The following MECR variants were observed in gnomAD, a reference collection of about 807,000 sequenced individuals.
MECR encodes enoyl-[acyl-carrier-protein] reductase, mitochondrial.
MECR carries 37 observed loss-of-function variants against 49.1 expected under a neutral mutation model. The observed-to-expected ratio is 0.75, with a 90% CI of 0.58 to 0.99. The LOEUF (loss-of-function observed/expected upper bound fraction) is 0.99. Among genes scored for constraint, MECR ranks in the 50% least tolerant of loss-of-function variants. The pLI is 0.00. For synonymous variants in MECR, 198 were observed against 191.1 expected, an observed-to-expected ratio of 1.04 and a Z score of -0.30; for missense variants, 470 against 479.6, an observed-to-expected ratio of 0.98 and a Z score of 0.19.
rs188906984 is a variant in MECR, at chr1:29,230,649, C to A, written c.176+82G>T. 6.6e-5 allele frequency: 99 copies of A among 1,495,744 alleles called. No individual in the cohort carries two copies. In the East Asian group the frequency reaches 1.1e-3, roughly 17 times the overall value. 92.7% of individuals were successfully genotyped at this position (1,495,744 alleles called of 1,614,324 possible). A position where few individuals can be genotyped will look rare whatever the true frequency, so the allele number is the denominator to read the frequency against. Reference sequence around the variant, plus strand: ...CTCTGCCCCCTTCCTCGGACCCTGTCCCTCTCTTCCCAGTCCGCAGCTCGT... The same window carrying A: ...CTCTGCCCCCTTCCTCGGACCCTGTACCTCTCTTCCCAGTCCGCAGCTCGT... On this transcript the variant is annotated intron_variant, in intron 1 of 9. Transcript: ENST00000263702.
chr1:29,225,680 A>C (rs185673965), intron 1 of MECR, among the ~76,000 whole-genome samples: 377 of 152,324 alleles, frequency 2.5e-3, no homozygotes, highest in African/African-American at 8.6e-3. Flanking sequence ...AAAGAGCTCT[A>C]AACAGAGCAC....
Position 29,230,924 on chromosome 1 carries a change from C to G in MECR, c.-18G>C. 6.4e-7 allele frequency: 1 copy of G among 1,568,968 alleles called. No individual in the cohort carries two copies. Among genetic ancestry groups the G allele is most frequent in the Non-Finnish European group, 8.6e-7 (1 of 1,163,814 alleles). On this transcript the variant is annotated 5_prime_UTR_variant, in exon 1 of 10. Coordinates refer to ENST00000263702, the MANE Select transcript of MECR (RefSeq NM_016011.5). ...ACCCACATGCTCGCTCCAACCAACA[C>G]AGAGCCTGACGCCCCGGCTACGTCA...
At chr1:29,175,354 T>A in the MECR span, among the ~76,000 whole-genome samples, 4 of 150,536 alleles carry the variant, frequency 2.7e-5, no homozygotes, top group African/African-American at 9.8e-5. Flanking sequence ...TGAGCCACGA[T>A]TGTGCCACTG....
At chr1:29,185,344 G>T in the MECR span, among the ~76,000 whole-genome samples, 1 of 151,906 alleles carries the variant, frequency 6.6e-6, no homozygotes, top group African/African-American at 2.4e-5. Flanking sequence ...TGCCTCCTGG[G>T]TTCACACGGT....
chr1:29,177,363 C>T, the MECR span, among the ~76,000 whole-genome samples: 3 of 150,974 alleles, frequency 2.0e-5, no homozygotes, highest in Admixed American at 6.6e-5. Context: ...CTCACCGCAA[C>T]CTATGCCTCT....
chr1:29,205,910 C>A (rs1488717006), intron 4 of MECR, among the ~76,000 whole-genome samples: 1 of 152,172 alleles, frequency 6.6e-6, no homozygotes, highest in Non-Finnish European at 1.5e-5. Context: ...TCCCCACTCC[C>A]CTTCATTTCT....
At chr1:29,195,222 C>T (rs962459371) in intron 9 of MECR, among the ~76,000 whole-genome samples, 6 of 152,214 alleles carry the variant, frequency 3.9e-5, no homozygotes, top group Admixed American at 1.3e-4. Flanking sequence ...CCCAATTTTC[C>T]AGCCCCAGCT....
the MECR span, among the ~76,000 whole-genome samples, chr1:29,177,573 T>TGCC: frequency 1.1e-4 from 17 of 152,154 alleles, no homozygotes; most frequent in African/African-American, 4.1e-4. Context: ...TGAGCCACCG[T>TGCC]GCCAGGCCCT....
chr1:29,178,111 G>A, the MECR span, among the ~76,000 whole-genome samples: 2 of 151,692 alleles, frequency 1.3e-5, no homozygotes, highest in African/African-American at 4.8e-5. Context: ...TGTTGGCCAG[G>A]CTGGTCTCAA....
rs778634170 is a variant in MECR at position 29,196,253 on chromosome 1, C to T, written c.836G>A (p.Gly279Glu). The T allele has an allele frequency of 1.2e-6, 2 of 1,612,164 alleles. No individual in the cohort carries two copies. The highest frequency in any genetic ancestry group is 1.7e-5 in the Admixed American group (1 of 59,910). The change falls in exon 8 of 10, where the codon GGA becomes GAA. Residue 279 changes from glycine (G) to glutamate (E), a missense_variant. Coordinates refer to ENST00000263702, the MANE Select transcript of MECR (RefSeq NM_016011.5). ...CCCCCCATAGGTTACCATGGTTCCT[C>T]CACGCCTGAAAAGTCCAAAGAGAAC... The part of the protein sequence containing the change: ...STELLRQLAR[G>E]GTMVTYGGMA...
intron 1 of MECR, among the ~76,000 whole-genome samples, chr1:29,225,613 T>A (rs1020498631): frequency 6.6e-6 from 1 of 152,144 alleles, no homozygotes; most frequent in Non-Finnish European, 1.5e-5. Flanking sequence ...AAAGAATACA[T>A]GCTGGCCAAC....
chr1:29,197,478 A>G (rs1156969246), intron 7 of MECR, among the ~76,000 whole-genome samples: 3 of 152,168 alleles, frequency 2.0e-5, no homozygotes, highest in Non-Finnish European at 4.4e-5. Flanking sequence ...TGAGGCTAAC[A>G]TAATTTTTAA....
chr1:29,181,821 C>CACGGCGGCAGCGGCG, the MECR span: 7 of 1,342,702 alleles, frequency 5.2e-6, no homozygotes, highest in Non-Finnish European at 5.8e-6. Flanking sequence ...AAAGCGAGAG[C>CACGGCGGCAGCGGCG]ACGGCGGCAG....
At chr1:29,169,132 C>A in the MECR span, 1 of 152,304 alleles carries the variant, frequency 6.6e-6, no homozygotes, top group East Asian at 1.9e-4. Context: ...ATGCTAAGTG[C>A]TTTACACACA....
In MECR at chr1:29,216,069, C is replaced by A; in HGVS notation, c.342G>T (p.Ala114=). ...GGNEGVAQVV[A]VGSNVTGLKP... ...TCAGCCCGGTCACATTGCTGCCCAC[C>A]GCTACCACCTGTGCAACACCTTCGT... The change falls in exon 3 of 10, where the codon GCG becomes GCT. Residue 114 remains alanine, a synonymous_variant. Coordinates refer to ENST00000263702, the MANE Select transcript of MECR (RefSeq NM_016011.5). 2 of 1,614,076 alleles carry A rather than the reference C, an allele frequency of 1.2e-6. No individual in the cohort carries two copies. Among genetic ancestry groups the A allele is most frequent in the Non-Finnish European group, 1.7e-6 (2 of 1,179,974 alleles).
chr1:29,199,729 G>A (rs1331391666), intron 7 of MECR, among the ~76,000 whole-genome samples: 1 of 148,188 alleles, frequency 6.7e-6, no homozygotes, highest in African/African-American at 2.5e-5. Context: ...AATGATTCTC[G>A]TGACTCAGCC....
the MECR span, among the ~76,000 whole-genome samples, chr1:29,184,097 C>T: frequency 0.012 from 1,771 of 148,438 alleles, 45 homozygotes; most frequent in African/African-American, 0.041. Context: ...CCAGGCTGGT[C>T]TTGATCTCCT....
At chr1:29,178,013 C>T in the MECR span, among the ~76,000 whole-genome samples, 1 of 150,444 alleles carries the variant, frequency 6.6e-6, no homozygotes, top group Non-Finnish European at 1.5e-5. Flanking sequence ...AATTCTCCTG[C>T]CTTAGCCTCT....
chr1:29,185,019 G>A, the MECR span, among the ~76,000 whole-genome samples: 121 of 146,330 alleles, frequency 8.3e-4, no homozygotes, highest in African/African-American at 3.0e-3. Flanking sequence ...CCAGCTACTC[G>A]GGAGGCTGAG....
Sources: gnomAD v4.1 joint callset for allele counts (sites outside exome capture counted in the v4.1 genomes callset) on GRCh38, gnomAD v4.1.1 for gene constraint, MANE v1.5 for transcripts, NCBI Gene and HGNC (gene_info 2026-07-23, HGNC 2026-07-21) for gene names.